The following STARD9 variants were observed in gnomAD, a reference collection of about 807,000 sequenced individuals.
STARD9 encodes the protein StAR related lipid transfer domain containing 9, also known as stAR-related lipid transfer protein 9.
A neutral mutation model predicts 399.8 loss-of-function variants in STARD9; 346 were observed. That is an observed-to-expected ratio of 0.87 (90% confidence interval 0.79 to 0.95). The LOEUF (loss-of-function observed/expected upper bound fraction) is 0.95, where lower values mean the gene tolerates loss of function less well. STARD9 is among the 40% of genes least tolerant of loss of function. The pLI is 0.00. For synonymous variants in STARD9, 2,203 were observed against 2,143.5 expected (o/e 1.03, Z -0.77); for missense variants, 5,832 against 5,667.5 (o/e 1.03, Z -0.93).
At chr15:42,711,941 C>T (rs1337604650) in intron 26 of STARD9, among the ~76,000 whole-genome samples, 1 of 145,926 alleles carries the variant, frequency 6.9e-6, no homozygotes, top group Non-Finnish European at 1.5e-5. Context: ...GTGTGTTTCT[C>T]TCCGTCCTCA....
At chr15:42,598,509 T>A (rs2058561448) in intron 3 of STARD9, among the ~76,000 whole-genome samples, 1 of 152,148 alleles carries the variant, frequency 6.6e-6, no homozygotes, top group African/African-American at 2.4e-5. Flanking sequence ...TTGAAATTCT[T>A]TGGCATAAAA....
Position 42,687,867 on chromosome 15 carries a change from C to G in STARD9, c.6289C>G (p.His2097Asp). ...CCAGAAGGAGCAGGAGAAGACTGAC[C>G]ATGCCTTTAGGCCAGACAGCTCTGG... ...QDQKEQEKTD[H>D]AFRPDSSGNP... The change falls in exon 23 of 33, where the codon CAT (histidine) becomes GAT (aspartate). Residue 2097 changes from histidine (H) to aspartate (D), a missense_variant. His to Asp is a moderately conservative substitution (Grantham distance 81). Around this residue, in one of 2 missense-constraint regions of STARD9, gnomAD observed 5,828 missense variants for 5,651.1 expected, o/e 1.03. Coordinates refer to ENST00000290607, the MANE Select transcript of STARD9 (RefSeq NM_020759.3). The G allele has an allele frequency of 1.3e-6, 2 of 1,537,250 alleles. No homozygotes were observed. Among genetic ancestry groups the G allele is most frequent in the Non-Finnish European group, 8.7e-7 (1 of 1,146,962 alleles).
In STARD9 at chr15:42,689,988, G is replaced by A. The variant is rs758124786; in HGVS notation, c.8410G>A (p.Ala2804Thr). ...AGTTTCAGATAATTTGTTAGTGACT[G>A]CACAGGGAGAAAAAACAGCCCATTT... is the stretch of plus-strand genomic sequence containing the variant. ...GEVSDNLLVT[A>T]QGEKTAHFES... The change falls in exon 23 of 33, where the codon GCA (alanine) becomes ACA (threonine). Residue 2804 changes from alanine (A) to threonine (T), a missense_variant. Coordinates refer to ENST00000290607, the MANE Select transcript of STARD9 (RefSeq NM_020759.3). The A allele has an allele frequency of 1.3e-6, 2 of 1,537,434 alleles. No homozygotes were observed. Among genetic ancestry groups the A allele is most frequent in the East Asian group, 2.4e-5 (1 of 40,924 alleles).
In STARD9 at chr15:42,686,469, G is replaced by C. The variant is rs1305806019; in HGVS notation, c.4891G>C (p.Glu1631Gln). The change falls in exon 23 of 33, where the codon GAA becomes CAA. Residue 1631 changes from glutamate to glutamine, a missense_variant. This residue lies in a region of STARD9 where 5,828 missense variants were observed against 5,651.1 expected (regional missense o/e 1.03). Coordinates refer to ENST00000290607, the MANE Select transcript of STARD9 (RefSeq NM_020759.3). ...ACEVKQNNLE[E>Q]CLQSCRKPGL... Reference sequence around the variant, plus strand: ...TGAAGTCAAGCAGAACAACTTGGAAGAATGCCTTCAGAGTTGCAGGAAACC... The same window carrying C: ...TGAAGTCAAGCAGAACAACTTGGAACAATGCCTTCAGAGTTGCAGGAAACC... The C allele has an allele frequency of 4.6e-6, 7 of 1,537,808 alleles. No individual in the cohort carries two copies. Among genetic ancestry groups the C allele is most frequent in the Non-Finnish European group, 5.2e-6 (6 of 1,147,058 alleles).
At chr15:42,595,047 G>T (rs1470120775) in intron 3 of STARD9, among the ~76,000 whole-genome samples, 2 of 152,198 alleles carry the variant, frequency 1.3e-5, no homozygotes, top group Non-Finnish European at 2.9e-5. Context: ...TGGAGAGATG[G>T]AGTGTGACCT....
Position 42,685,400 on chromosome 15 carries a change from G to A in STARD9, c.3822G>A (p.Ser1274=), listed in dbSNP as rs888633695. 25 of 1,537,084 alleles carry A rather than the reference G, an allele frequency of 1.6e-5. No individual in the cohort carries two copies. In the East Asian group the frequency reaches 2.4e-4, roughly 15 times the overall value. The stretch of plus-strand genomic sequence containing the variant: ...ATGCCGTCCTGCCAATGAGCAGTTC[G>A]TTTTACCTTGATCCTCAGTTCCAAC... ...RLDAVLPMSS[S]FYLDPQFQPH... Residue 1274 remains serine (S), a synonymous_variant, in exon 23 of 33, where the codon TCG becomes TCA. Coordinates refer to ENST00000290607, the MANE Select transcript of STARD9 (RefSeq NM_020759.3).
At chr15:42,626,497 C>CT (rs766581586) in intron 3 of STARD9, among the ~76,000 whole-genome samples, 1,825 of 140,418 alleles carry the variant, frequency 0.013, 35 homozygotes, top group Middle Eastern at 0.041. Flanking sequence ...TCTTCCTCTT[C>CT]TTTTTTTTTT....
chr15:42,631,754 G>C (rs959842132), intron 3 of STARD9, among the ~76,000 whole-genome samples: 1 of 148,978 alleles, frequency 6.7e-6, no homozygotes, highest in Non-Finnish European at 1.5e-5. Context: ...TATGATTTCA[G>C]CTTTTTGGAA....
intron 3 of STARD9, among the ~76,000 whole-genome samples, chr15:42,610,984 TA>T (rs1455338488): frequency 1.3e-5 from 2 of 152,234 alleles, no homozygotes; most frequent in African/African-American, 2.4e-5. Context: ...TTTTCAATGA[TA>T]AATTATTTTA....
At position 42,718,071 on chromosome 15, in the gene STARD9, C is replaced by G; in HGVS notation, c.13654C>G (p.Leu4552Val). The G allele has an allele frequency of 6.5e-7, 1 of 1,537,270 alleles. No individual in the cohort carries two copies. Among genetic ancestry groups the G allele is most frequent in the Non-Finnish European group, 8.7e-7 (1 of 1,146,912 alleles). Residue 4552 changes from leucine (L) to valine (V), a missense_variant, in exon 30 of 33, where the codon CTG becomes GTG. Physicochemically the swap from Leu to Val is conservative, Grantham distance 32 (BLOSUM62 1). This residue lies in a region of STARD9 where 5,828 missense variants were observed against 5,651.1 expected (regional missense o/e 1.03). Transcript: ENST00000290607. Reference sequence around the variant, plus strand: ...GGGGGCAGGTGTGGTGTCCCAGCCGCTGTCTCGTGTGTGGGCGGCTGTCAG... The same window carrying G: ...GGGGGCAGGTGTGGTGTCCCAGCCGGTGTCTCGTGTGTGGGCGGCTGTCAG... ...FLGAGVVSQPLSRVWAAVSDP... is the reference protein window; with the variant it reads ...FLGAGVVSQPVSRVWAAVSDP...
rs938594532 is a variant in STARD9, at chr15:42,665,355, C to T, written c.1254+25C>T. ...GGTATGCAGACAGTCAGAACCTTTC[C>T]GTACTTAAGTGAAATTCTCCTTCTG... On this transcript the variant is annotated intron_variant, in intron 14 of 32. Transcript: ENST00000290607. The T allele has an allele frequency of 1.2e-5, 19 of 1,522,568 alleles. No homozygotes were observed. In the Admixed American group the frequency reaches 1.8e-4, roughly 14 times the overall value. 94.3% of individuals were successfully genotyped at this position (1,522,568 alleles called of 1,614,324 possible).
Position 42,693,988 on chromosome 15 carries a change from C to T in STARD9, c.12410C>T (p.Pro4137Leu), listed in dbSNP as rs540927150. 1.3e-5 allele frequency: 20 copies of T among 1,511,868 alleles called. No homozygotes were observed. Among genetic ancestry groups the T allele is most frequent in the African/African-American group, 9.6e-5 (7 of 72,598 alleles). 93.7% of individuals were successfully genotyped at this position (1,511,868 alleles called of 1,614,324 possible). A position where few individuals can be genotyped will look rare whatever the true frequency, so the allele number is the denominator to read the frequency against. ...EHQHHSLRDL[P>L]VHNKFSNWCG... The stretch of plus-strand genomic sequence containing the variant: ...CAGCACCACAGTCTGAGGGACCTCC[C>T]GGTGCATAACAAATTTAGTAACTGG... The change falls in exon 23 of 33, where the codon CCG becomes CTG. Residue 4137 changes from proline (P) to leucine (L), a missense_variant. Transcript: ENST00000290607.
rs77127265 is a variant in STARD9 at position 42,693,526 on chromosome 15, A to G, written c.11948A>G (p.His3983Arg). The G allele has an allele frequency of 2.6e-6, 4 of 1,537,258 alleles. No individual in the cohort carries two copies. In the South Asian group the frequency reaches 4.8e-5, roughly 18 times the overall value. The change falls in exon 23 of 33, where the codon CAC (histidine) becomes CGC (arginine). Residue 3983 changes from histidine to arginine, a missense_variant. This residue lies in a region of STARD9 where 5,828 missense variants were observed against 5,651.1 expected (regional missense o/e 1.03). Coordinates refer to ENST00000290607, the MANE Select transcript of STARD9 (RefSeq NM_020759.3). ...TCCTTCCTTGAGTTGCACTCCCCACACAGCCCACAGCAGAGTCCAAAACTC... is the reference window on the plus strand; with the variant it reads ...TCCTTCCTTGAGTTGCACTCCCCACGCAGCCCACAGCAGAGTCCAAAACTC... ...GRSFLELHSP[H>R]SPQQSPKLQF...
chr15:42,622,990 G>A (rs758930803), intron 3 of STARD9, among the ~76,000 whole-genome samples: 2 of 152,144 alleles, frequency 1.3e-5, no homozygotes, highest in African/African-American at 2.4e-5. Context: ...GGTAGCTCAC[G>A]CCTGTAATCC....
chr15:42,585,377 T>G (rs2058254027), intron 2 of STARD9, 144 bp from the exon 3 acceptor site: 3 of 543,908 alleles, frequency 5.5e-6, no homozygotes, highest in Non-Finnish European at 9.8e-6. Flanking sequence ...AGAGAAAGAT[T>G]ACCTTTTCTT....
chr15:42,600,430 A>T (rs1478709933), intron 3 of STARD9, among the ~76,000 whole-genome samples: 1 of 152,092 alleles, frequency 6.6e-6, no homozygotes, highest in Non-Finnish European at 1.5e-5. Context: ...TTTATCTATT[A>T]TATGCCAGGG....
intron 21 of STARD9, among the ~76,000 whole-genome samples, 185 bp downstream of exon 21, chr15:42,681,797 GACGCTAATT>G (rs1415700911): frequency 6.6e-6 from 1 of 152,090 alleles, no homozygotes; most frequent in East Asian, 1.9e-4. Context: ...CAAGAATAAG[GACGCTAATT>G]TCCTTATTGT....
chr15:42,719,377 C>G (rs2061410684), intron 32 of STARD9, 96 bp from the exon 33 acceptor site: 2 of 760,932 alleles, frequency 2.6e-6, no homozygotes, highest in African/African-American at 1.7e-5. Flanking sequence ...GTGCTTCTCC[C>G]ATCACCACAG....
Position 42,687,972 on chromosome 15 carries a change from G to T in STARD9, c.6394G>T (p.Ala2132Ser), listed in dbSNP as rs1233809273. The change falls in exon 23 of 33, where the codon GCG (alanine) becomes TCG (serine). Residue 2132 changes from alanine (A) to serine (S), a missense_variant. Physicochemically the swap from Ala to Ser is moderately conservative, Grantham distance 99. This residue lies in a region of STARD9 where 5,828 missense variants were observed against 5,651.1 expected (regional missense o/e 1.03). Transcript: ENST00000290607. ...DTVFRDSEAG[A>S]MEVNSIGNHP... is the part of the protein sequence containing the mutation. ...TGTCTTTAGGGATAGTGAAGCTGGAGCGATGGAGGTTAACAGCATTGGGAA... is the reference window on the plus strand; with the variant it reads ...TGTCTTTAGGGATAGTGAAGCTGGATCGATGGAGGTTAACAGCATTGGGAA... 1 of 1,537,476 alleles carries T rather than the reference G, an allele frequency of 6.5e-7. No homozygotes were observed. Among genetic ancestry groups the T allele is most frequent in the South Asian group, 1.2e-5 (1 of 84,066 alleles).
Sources: allele counts gnomAD v4.1 joint callset (sites outside exome capture counted in the v4.1 genomes callset), GRCh38; gene constraint gnomAD v4.1.1; regional missense constraint gnomAD v4.1.1; transcripts MANE v1.5; gene names NCBI Gene and HGNC (gene_info 2026-07-23, HGNC 2026-07-21).